Variants in NXPE2 observed in about 807,000 individuals in gnomAD.
The protein encoded by NXPE2 is NXPE family member 2.
Under a neutral mutation model 34.4 loss-of-function variants are expected in NXPE2, and 34 were observed. That is an observed-to-expected ratio of 0.99 (90% CI 0.75 to 1.31). The LOEUF is 1.31. NXPE2 is among the 40% of genes most tolerant of loss of function. The pLI is 0.00. For missense variants in NXPE2, 649 were observed against 672.5 expected (o/e 0.97, Z 0.39); for synonymous variants, 235 against 231.3 (o/e 1.02, Z -0.15).
the NXPE2 span, among the ~76,000 whole-genome samples, chr11:114,545,532 A>G: frequency 3.3e-5 from 5 of 152,314 alleles, no homozygotes; most frequent in South Asian, 1.0e-3. Context: ...ATAGAGATCA[A>G]AAACCAATCA....
At chr11:114,676,086 T>TA (rs1415832048), upstream of NXPE2, among the ~76,000 whole-genome samples, 4 of 151,654 alleles carry the variant, frequency 2.6e-5, no homozygotes, top group South Asian at 6.2e-4. Flanking sequence ...TCACAACATA[T>TA]AAAAAAAATC....
chr11:114,545,924 T>C, the NXPE2 span, among the ~76,000 whole-genome samples: 2 of 152,048 alleles, frequency 1.3e-5, no homozygotes, highest in East Asian at 3.9e-4. Context: ...AGCTTGACTT[T>C]GCGATCCACC....
the NXPE2 span, among the ~76,000 whole-genome samples, chr11:114,472,488 C>T: frequency 2.6e-5 from 4 of 152,208 alleles, no homozygotes; most frequent in Admixed American, 6.5e-5. Context: ...ATGTGGCCCA[C>T]GGGCTGTGGA....
the NXPE2 span, among the ~76,000 whole-genome samples, chr11:114,653,686 C>T: frequency 6.6e-6 from 1 of 151,956 alleles, no homozygotes; most frequent in African/African-American, 2.4e-5. Context: ...CACCACTATG[C>T]CTGGCTAATT....
chr11:114,612,763 C>T, the NXPE2 span, among the ~76,000 whole-genome samples: 7 of 151,914 alleles, frequency 4.6e-5, no homozygotes, highest in African/African-American at 7.3e-5. Context: ...AGTGTTGCCT[C>T]GTGGGTAACC....
At chr11:114,503,758 T>C in the NXPE2 span, among the ~76,000 whole-genome samples, 2 of 152,208 alleles carry the variant, frequency 1.3e-5, no homozygotes, top group African/African-American at 2.4e-5. Context: ...ACAATATCTC[T>C]GAAATTAAGA....
At position 114,694,717 on chromosome 11, in the gene NXPE2, G is replaced by T. The variant is rs116438238; in HGVS notation, c.133-3328G>T. ...TTTTTCACATGACTATGTTCAGTCT[G>T]TTCATGAGTTCATCAAAGGTGTTCT... is the stretch of plus-strand genomic sequence containing the variant. On this transcript the variant is annotated intron_variant, in intron 2 of 5. Coordinates refer to ENST00000389586, the MANE Select transcript of NXPE2 (RefSeq NM_182495.6). 4.9e-3 allele frequency among the ~76,000 whole-genome samples: 744 copies of T among 152,122 alleles called. 7 individuals are homozygous for T. Among genetic ancestry groups the T allele is most frequent in the African/African-American group, 0.017 (699 of 41,536 alleles).
At chr11:114,795,222 G>A in the NXPE2 span, among the ~76,000 whole-genome samples, 1 of 152,172 alleles carries the variant, frequency 6.6e-6, no homozygotes, top group African/African-American at 2.4e-5. Context: ...AGTGGTTGGA[G>A]AAGGGATGTG....
At chr11:114,534,376 G>A in the NXPE2 span, among the ~76,000 whole-genome samples, 3,266 of 152,248 alleles carry the variant, frequency 0.021, 116 homozygotes, top group African/African-American at 0.073. Flanking sequence ...AAATCAGAGC[G>A]CCTCTTCTCC....
chr11:114,601,967 A>T, the NXPE2 span, among the ~76,000 whole-genome samples: 1 of 81,832 alleles, frequency 1.2e-5, no homozygotes, highest in Non-Finnish European at 2.1e-5. Flanking sequence ...ATTATATATT[A>T]TATATTCTGT....
the NXPE2 span, among the ~76,000 whole-genome samples, chr11:114,609,906 A>G: frequency 6.6e-6 from 1 of 151,884 alleles, no homozygotes. Flanking sequence ...CCTCCTGGGT[A>G]ACTACCATTA....
chr11:114,576,562 A>C, the NXPE2 span, among the ~76,000 whole-genome samples: 1 of 152,182 alleles, frequency 6.6e-6, no homozygotes, highest in Non-Finnish European at 1.5e-5. Flanking sequence ...TTCTCCAAAG[A>C]AGATATACAG....
chr11:114,711,730 T>G (rs148356419), downstream of NXPE2, among the ~76,000 whole-genome samples: 113 of 152,278 alleles, frequency 7.4e-4, 2 homozygotes, highest in African/African-American at 2.6e-3. Flanking sequence ...CCAGTGGCAT[T>G]TTTTGTAGAA....
At chr11:114,755,960 C>A in the NXPE2 span, among the ~76,000 whole-genome samples, 1 of 152,198 alleles carries the variant, frequency 6.6e-6, no homozygotes, top group Non-Finnish European at 1.5e-5. Context: ...CTCCCCTACT[C>A]CTTCAGGAAT....
chr11:114,591,549 G>A, the NXPE2 span, among the ~76,000 whole-genome samples: 16 of 152,068 alleles, frequency 1.1e-4, no homozygotes, highest in African/African-American at 3.9e-4. Context: ...AACCTGGGAA[G>A]GCTTCATAAA....
At chr11:114,625,324 T>C in the NXPE2 span, among the ~76,000 whole-genome samples, 224 of 151,962 alleles carry the variant, frequency 1.5e-3, no homozygotes, top group African/African-American at 5.2e-3. Context: ...AGTGTTGCAC[T>C]GTGGGTAACC....
the NXPE2 span, among the ~76,000 whole-genome samples, chr11:114,636,887 A>G: frequency 2.0e-5 from 3 of 152,144 alleles, no homozygotes; most frequent in African/African-American, 7.2e-5. Flanking sequence ...TTCCAAGTAT[A>G]TGGTCAATTT....
At chr11:114,714,067 T>C in the NXPE2 span, among the ~76,000 whole-genome samples, 4 of 152,250 alleles carry the variant, frequency 2.6e-5, no homozygotes, top group Admixed American at 1.3e-4. Context: ...TTATGTGCTA[T>C]TGACAGTATG....
chr11:114,490,385 C>T, the NXPE2 span, among the ~76,000 whole-genome samples: 1 of 152,156 alleles, frequency 6.6e-6, no homozygotes, highest in African/African-American at 2.4e-5. Flanking sequence ...AAAGAGCTCA[C>T]ATTGTCAAGT....
Sources: allele counts gnomAD v4.1 joint callset (sites outside exome capture counted in the v4.1 genomes callset), GRCh38; gene constraint gnomAD v4.1.1; transcripts MANE v1.5; gene names NCBI Gene and HGNC (gene_info 2026-07-23, HGNC 2026-07-21).